The following EXOC4 variants were observed in gnomAD, a reference collection of about 807,000 sequenced individuals.
The protein encoded by EXOC4 is exocyst complex component 4.
Under a neutral mutation model 107.2 loss-of-function variants are expected in EXOC4, and 71 were observed. That is an observed-to-expected ratio of 0.66 (90% CI 0.55 to 0.81). The LOEUF is 0.81. Among genes scored for constraint, EXOC4 ranks in the 30% least tolerant of loss-of-function variants. EXOC4 has a pLI of 0.00. For missense variants in EXOC4, 1,108 were observed against 1,189.6 expected (o/e 0.93, Z 1.01); for synonymous variants, 456 against 441.2 (o/e 1.03, Z -0.42).
chr7:133,483,436 C>T (rs1378716424), intron 9 of EXOC4, among the ~76,000 whole-genome samples: 2 of 152,146 alleles, frequency 1.3e-5, no homozygotes, highest in East Asian at 3.9e-4. Context: ...ATTTTAAAAT[C>T]TAAGTGACAG....
chr7:133,787,805 C>T (rs1796606745), intron 10 of EXOC4, among the ~76,000 whole-genome samples: 1 of 150,758 alleles, frequency 6.6e-6, no homozygotes, highest in Admixed American at 6.6e-5. Flanking sequence ...ACCCCACCTC[C>T]GTATACTCTC....
intron 9 of EXOC4, among the ~76,000 whole-genome samples, chr7:133,617,499 A>G (rs17167169): frequency 0.033 from 4,963 of 152,302 alleles, 210 homozygotes; most frequent in Admixed American, 0.089. Context: ...CGAACTGCAG[A>G]GAGATATTAG....
chr7:134,079,002 C>T, the EXOC4 span, among the ~76,000 whole-genome samples: 3 of 152,160 alleles, frequency 2.0e-5, no homozygotes, highest in African/African-American at 7.2e-5. Context: ...CCACATCCCA[C>T]CCTCCATCGA....
intron 10 of EXOC4, among the ~76,000 whole-genome samples, chr7:133,650,928 G>GA (rs1803128816): frequency 8.4e-6 from 1 of 118,520 alleles, no homozygotes; most frequent in Non-Finnish European, 1.7e-5. Flanking sequence ...TACATACTGA[G>GA]ATTGGTCAGT....
intron 10 of EXOC4, chr7:133,767,990 G>A (rs887049169): frequency 2.0e-5 from 3 of 151,994 alleles, no homozygotes; most frequent in Non-Finnish European, 2.9e-5. Flanking sequence ...GTACCTAGGG[G>A]ATAGAAAGTT....
In EXOC4 at chr7:134,051,671, CAAAAA is replaced by C. The variant is rs71172425; in HGVS notation, c.2688-12603_2688-12599del. Among the ~76,000 whole-genome samples, 377 of 107,726 alleles carry C rather than the reference CAAAAA, an allele frequency of 3.5e-3. 3 individuals are homozygous for C. Among genetic ancestry groups the C allele is most frequent in the Middle Eastern group, 7.6e-3 (1 of 132 alleles). 70.7% of individuals were successfully genotyped at this position (107,726 alleles called of 152,430 possible). A position where few individuals can be genotyped will look rare whatever the true frequency, so the allele number is the denominator to read the frequency against. On this transcript the variant is annotated intron_variant, in intron 17 of 17. Coordinates refer to ENST00000253861, the MANE Select transcript of EXOC4 (RefSeq NM_021807.4). ...TGGGAGACAGAGCGAGACTCCGTCT[CAAAAA>C]AAAAAAAAAAAAAAAACTTGGCTAC...
intron 12 of EXOC4, among the ~76,000 whole-genome samples, chr7:133,915,427 G>A (rs1327847274): frequency 1.3e-5 from 2 of 152,192 alleles, no homozygotes; most frequent in African/African-American, 4.8e-5. Flanking sequence ...TCTGTTGGGG[G>A]TAGGAGGTCA....
intron 7 of EXOC4, among the ~76,000 whole-genome samples, chr7:133,474,911 A>G (rs536000505): frequency 9.0e-4 from 137 of 152,256 alleles, no homozygotes; most frequent in African/African-American, 3.1e-3. Flanking sequence ...GAGATAATAC[A>G]TTTTACATGG....
chr7:133,775,028 G>T (rs1488198875), intron 10 of EXOC4, among the ~76,000 whole-genome samples: 1 of 152,124 alleles, frequency 6.6e-6, no homozygotes, highest in Non-Finnish European at 1.5e-5. Context: ...TTACCCCTGG[G>T]ACTCCAGGTC....
chr7:133,855,042 T>TATATATAA (rs1554409707), intron 11 of EXOC4, among the ~76,000 whole-genome samples: 6 of 75,680 alleles, frequency 7.9e-5, no homozygotes, highest in African/African-American at 3.7e-4. Flanking sequence ...TCTAAATATA[T>TATATATAA]ATATATCTAA....
rs550920645 is a variant in EXOC4, at chr7:133,794,464, T to C, written c.1515-22861T>C. ...CAGGAGAAGAACCTTATTCTTCTATTTGGAGTTCTTACTTTATTTTCAGCA... is the reference window on the plus strand; with the variant it reads ...CAGGAGAAGAACCTTATTCTTCTATCTGGAGTTCTTACTTTATTTTCAGCA... On this transcript the variant is annotated intron_variant, in intron 10 of 17. Transcript: ENST00000253861. Among the ~76,000 whole-genome samples, 164 of 152,324 alleles carry C rather than the reference T, an allele frequency of 1.1e-3. 2 individuals are homozygous for C. Among genetic ancestry groups the C allele is most frequent in the Non-Finnish European group, 1.2e-3 (84 of 68,026 alleles).
At position 133,988,638 on chromosome 7, in the gene EXOC4, G is replaced by A. The variant is rs186662999; in HGVS notation, c.2207-8854G>A. On this transcript the variant is annotated intron_variant, in intron 14 of 17. Transcript: ENST00000253861. ...AGAAGAGCCATTGACCCTTCCTGGG[G>A]AATCAGAAAAGACTTTCTGAGCCAG... 3.3e-5 allele frequency among the ~76,000 whole-genome samples: 5 copies of A among 152,212 alleles called. No individual in the cohort carries two copies. In the East Asian group the frequency reaches 9.7e-4, roughly 29 times the overall value.
At chr7:133,442,198 A>C (rs1260903230) in intron 7 of EXOC4, among the ~76,000 whole-genome samples, 1 of 152,180 alleles carries the variant, frequency 6.6e-6, no homozygotes, top group East Asian at 1.9e-4. Context: ...GAAAGGATAT[A>C]CTGGGCATAG....
intron 15 of EXOC4, among the ~76,000 whole-genome samples, chr7:134,000,919 T>C (rs1029193580): frequency 2.6e-5 from 4 of 152,188 alleles, no homozygotes; most frequent in Non-Finnish European, 5.9e-5. Context: ...CCAAATATCT[T>C]TATATCCATA....
At chr7:133,428,101 T>C (rs1251047988) in intron 7 of EXOC4, among the ~76,000 whole-genome samples, 7 of 152,318 alleles carry the variant, frequency 4.6e-5, no homozygotes, top group African/African-American at 1.4e-4. Context: ...AATGCAGCTC[T>C]TAGAATTGCT....
intron 10 of EXOC4, among the ~76,000 whole-genome samples, chr7:133,658,875 A>G (rs887074429): frequency 5.9e-5 from 9 of 152,128 alleles, no homozygotes; most frequent in African/African-American, 1.9e-4. Context: ...CAGTGGCTGC[A>G]TGTTGATATT....
rs10261302 is a variant in EXOC4, at chr7:133,517,554, A to C, written c.1417+37416A>C. On this transcript the variant is annotated intron_variant, in intron 9 of 17. Coordinates refer to ENST00000253861, the MANE Select transcript of EXOC4 (RefSeq NM_021807.4). ...TGGGGAGGCCTCACAATCATGGCTGAAGGTGAAAGGCACATCTCACATGGC... is the reference window on the plus strand; with the variant it reads ...TGGGGAGGCCTCACAATCATGGCTGCAGGTGAAAGGCACATCTCACATGGC... 9.3e-4 allele frequency among the ~76,000 whole-genome samples: 142 copies of C among 152,262 alleles called. 2 individuals carry two copies. Among genetic ancestry groups the C allele is most frequent in the African/African-American group, 3.2e-3 (135 of 41,546 alleles).
At chr7:134,078,268 C>G in the EXOC4 span, among the ~76,000 whole-genome samples, 3 of 151,712 alleles carry the variant, frequency 2.0e-5, no homozygotes, top group Non-Finnish European at 4.4e-5. Context: ...CACAGGAAAG[C>G]TTCTATGTAA....
intron 17 of EXOC4, among the ~76,000 whole-genome samples, chr7:134,035,046 C>CTT (rs146401762): frequency 0.024 from 3,059 of 128,786 alleles, 156 homozygotes; most frequent in African/African-American, 0.079. Context: ...CTTTTCTTTA[C>CTT]TTTTTTTTTT....
Sources: gnomAD v4.1 joint callset for allele counts (sites outside exome capture counted in the v4.1 genomes callset) on GRCh38, gnomAD v4.1.1 for gene constraint, MANE v1.5 for transcripts, NCBI Gene and HGNC (gene_info 2026-07-23, HGNC 2026-07-21) for gene names.